UCK2: variants seen among roughly 807,000 people sequenced by gnomAD.
The protein encoded by UCK2 is cytidine monophosphokinase 2.
A neutral mutation model predicts 30.8 loss-of-function variants in UCK2; 6 were observed. The observed-to-expected ratio is 0.19, with a 90% CI of 0.11 to 0.38. The LOEUF (loss-of-function observed/expected upper bound fraction) is 0.38. Among genes scored for constraint, UCK2 ranks in the 10% least tolerant of loss-of-function variants. UCK2 has a pLI of 1.00. For missense variants in UCK2, 210 were observed against 339.8 expected, an observed-to-expected ratio of 0.62 and a Z score of 3.00; for synonymous variants, 125 against 133.6, an observed-to-expected ratio of 0.94 and a Z score of 0.45.
At chr1:165,858,142 G>A (rs537872443) in intron 1 of UCK2, among the ~76,000 whole-genome samples, 1 of 152,336 alleles carries the variant, frequency 6.6e-6, no homozygotes, top group South Asian at 2.1e-4. Context: ...CCACTAGCAT[G>A]TGTTGAGTTT....
chr1:165,853,742 C>T (rs1386761321), intron 1 of UCK2, among the ~76,000 whole-genome samples: 3 of 152,252 alleles, frequency 2.0e-5, no homozygotes, highest in South Asian at 2.1e-4. Flanking sequence ...GGTACTATTG[C>T]TATCCTGCAT....
intron 3 of UCK2, chr1:165,895,356 G>A: frequency 1.1e-5 from 5 of 448,826 alleles, no homozygotes; most frequent in Non-Finnish European, 1.5e-5. Context: ...TGAGGCTGCA[G>A]TGAGTCCAAG....
chr1:165,835,084 C>G (rs927357100), intron 1 of UCK2, among the ~76,000 whole-genome samples: 2 of 152,074 alleles, frequency 1.3e-5, no homozygotes, highest in Non-Finnish European at 2.9e-5. Flanking sequence ...CTTGCCTGTC[C>G]TCTAGAAGTC....
intron 1 of UCK2, among the ~76,000 whole-genome samples, chr1:165,853,536 G>A (rs561174232): frequency 7.4e-5 from 11 of 148,864 alleles, no homozygotes; most frequent in South Asian, 2.1e-4. Context: ...TTTTTTTTCC[G>A]GAAAGGATCT....
At chr1:165,887,040 T>C (rs751934266) in intron 1 of UCK2, among the ~76,000 whole-genome samples, 7 of 152,220 alleles carry the variant, frequency 4.6e-5, no homozygotes, top group Non-Finnish European at 8.8e-5. Context: ...GACTTCTTAC[T>C]ATCTAAGGTT....
intron 1 of UCK2, among the ~76,000 whole-genome samples, chr1:165,840,745 G>A (rs982047049): frequency 2.6e-5 from 4 of 152,146 alleles, no homozygotes; most frequent in Non-Finnish European, 4.4e-5. Context: ...AGGCCTTAGC[G>A]ATCCTTTCCT....
At chr1:165,832,346 T>C (rs1264143063) in intron 1 of UCK2, among the ~76,000 whole-genome samples, 2 of 152,222 alleles carry the variant, frequency 1.3e-5, no homozygotes, top group African/African-American at 2.4e-5. Context: ...ATACTTTTTC[T>C]TACTTAACCT....
At chr1:165,892,401 A>G (rs188434920) in intron 3 of UCK2, among the ~76,000 whole-genome samples, 1 of 152,262 alleles carries the variant, frequency 6.6e-6, no homozygotes, top group African/African-American at 2.4e-5. Flanking sequence ...AGCCTGAGGC[A>G]CTGGAGCAGA....
At chr1:165,861,627 CAAAAAAAAA>C (rs1223282712) in intron 1 of UCK2, among the ~76,000 whole-genome samples, 1 of 15,940 alleles carries the variant, frequency 6.3e-5, no homozygotes, top group Non-Finnish European at 1.2e-4. Flanking sequence ...GACTCCGTCT[CAAAAAAAAA>C]AAAAAAAAAA....
At chr1:165,879,825 A>AATTTTTATTT (rs1655438434) in intron 1 of UCK2, among the ~76,000 whole-genome samples, 3 of 152,172 alleles carry the variant, frequency 2.0e-5, no homozygotes, top group Admixed American at 1.3e-4. Flanking sequence ...TGCTATGAAG[A>AATTTTTATTT]ATAAATAATA....
At chr1:165,894,139 A>T (rs1373657116) in intron 3 of UCK2, 1 of 152,242 alleles carries the variant, frequency 6.6e-6, no homozygotes, top group Non-Finnish European at 1.5e-5. Context: ...TATAATGCAG[A>T]TATTCCAAAA....
In UCK2 at chr1:165,891,287, C is replaced by T. The variant is rs747841934; in HGVS notation, c.321C>T (p.Val107=). The change falls in exon 3 of 7, where the codon GTC becomes GTT. Residue 107 remains valine, a synonymous_variant. Transcript: ENST00000367879. ...TLKEITEGKT[V]QIPVYDFVSH... is the part of the protein sequence containing the mutation. ...AAGAAATCACTGAAGGGAAAACAGT[C>T]CAGATCCCCGTGTATGACTTTGTCT... 4 of 1,614,230 alleles carry T rather than the reference C, an allele frequency of 2.5e-6. No individual in the cohort carries two copies. The highest frequency in any genetic ancestry group is 1.1e-5 in the South Asian group (1 of 91,080).
At chr1:165,871,412 A>C (rs866381987) in intron 1 of UCK2, among the ~76,000 whole-genome samples, 1 of 152,204 alleles carries the variant, frequency 6.6e-6, no homozygotes, top group African/African-American at 2.4e-5. Context: ...GAGGGTTGAA[A>C]GCAGGTCCTG....
intron 1 of UCK2, among the ~76,000 whole-genome samples, chr1:165,878,181 G>C (rs771580096): frequency 3.9e-5 from 6 of 152,082 alleles, no homozygotes; most frequent in African/African-American, 7.2e-5. Flanking sequence ...TGATCTTTTT[G>C]TTGTCCTCAT....
intron 1 of UCK2, among the ~76,000 whole-genome samples, chr1:165,842,790 G>C (rs939781754): frequency 6.6e-6 from 1 of 152,146 alleles, no homozygotes; most frequent in Non-Finnish European, 1.5e-5. Context: ...CTTCAGTCTT[G>C]CTGTCATCCT....
intron 1 of UCK2, among the ~76,000 whole-genome samples, chr1:165,855,432 A>T (rs920912169): frequency 1.3e-5 from 2 of 151,818 alleles, no homozygotes; most frequent in African/African-American, 4.8e-5. Context: ...ACACATTTCA[A>T]TGGGCCCAGA....
At chr1:165,849,385 A>G (rs948994254) in intron 1 of UCK2, among the ~76,000 whole-genome samples, 1 of 152,160 alleles carries the variant, frequency 6.6e-6, no homozygotes, top group Admixed American at 6.6e-5. Flanking sequence ...GTGGGCTCCG[A>G]TCTGGGAAAG....
At chr1:165,899,508 A>G (rs1194986036) in intron 4 of UCK2, among the ~76,000 whole-genome samples, 2 of 152,218 alleles carry the variant, frequency 1.3e-5, no homozygotes, top group Non-Finnish European at 2.9e-5. Context: ...TTGAGGAATT[A>G]TCTTTATTTT....
At chr1:165,877,534 G>T (rs1300772626) in intron 1 of UCK2, among the ~76,000 whole-genome samples, 1 of 152,170 alleles carries the variant, frequency 6.6e-6, no homozygotes, top group African/African-American at 2.4e-5. Context: ...TAACCTTTTG[G>T]AATTGCCCTT....
Sources: gnomAD v4.1 joint callset for allele counts (sites outside exome capture counted in the v4.1 genomes callset) on GRCh38, gnomAD v4.1.1 for gene constraint, MANE v1.5 for transcripts, NCBI Gene and HGNC (gene_info 2026-07-23, HGNC 2026-07-21) for gene names.